Variants in LINGO2 observed in about 807,000 individuals in gnomAD.
LINGO2 encodes the protein leucine rich repeat and Ig domain containing 2.
Under a neutral mutation model 30.6 loss-of-function variants are expected in LINGO2, and 14 were observed. That is an observed-to-expected ratio of 0.46 (90% CI 0.30 to 0.72). The LOEUF is 0.72. LINGO2 is among the 30% of genes least tolerant of loss of function. LINGO2 has a pLI of 0.07. For synonymous variants in LINGO2, 317 were observed against 288.5 expected (o/e 1.10, Z -1.00); for missense variants, 729 against 751.7 (o/e 0.97, Z 0.35).
the LINGO2 span, among the ~76,000 whole-genome samples, chr9:28,817,931 TAAC>T: frequency 6.6e-6 from 1 of 152,200 alleles, no homozygotes; most frequent in South Asian, 2.1e-4. Flanking sequence ...ATTTCTCTTT[TAAC>T]AGGTTTCACT....
chr9:28,438,670 G>A (rs1587675484), intron 2 of LINGO2, among the ~76,000 whole-genome samples: 1 of 152,060 alleles, frequency 6.6e-6, no homozygotes, highest in African/African-American at 2.4e-5. Flanking sequence ...CCTGACTAAT[G>A]CATCAGCTAT....
At chr9:28,995,249 G>C in the LINGO2 span, among the ~76,000 whole-genome samples, 2 of 152,176 alleles carry the variant, frequency 1.3e-5, no homozygotes, top group Non-Finnish European at 2.9e-5. Context: ...CATTTATGCT[G>C]CCAAAAAACA....
chr9:28,589,508 C>T (rs1025048450), intron 1 of LINGO2, among the ~76,000 whole-genome samples: 1 of 152,034 alleles, frequency 6.6e-6, no homozygotes, highest in African/African-American at 2.4e-5. Flanking sequence ...ACACCAATAA[C>T]AGACAAACAG....
At chr9:28,169,772 A>C (rs1828530565) in intron 4 of LINGO2, among the ~76,000 whole-genome samples, 1 of 152,192 alleles carries the variant, frequency 6.6e-6, no homozygotes, top group African/African-American at 2.4e-5. Context: ...TGGGGTAAAG[A>C]ATATGCTGTT....
intron 2 of LINGO2, among the ~76,000 whole-genome samples, chr9:28,435,211 A>C (rs1823875106): frequency 6.6e-6 from 1 of 152,206 alleles, no homozygotes; most frequent in African/African-American, 2.4e-5. Flanking sequence ...AAGGCTATAC[A>C]TTAAACAAAA....
chr9:29,112,405 T>C, the LINGO2 span, among the ~76,000 whole-genome samples: 1 of 152,206 alleles, frequency 6.6e-6, no homozygotes, highest in East Asian at 1.9e-4. Context: ...GTGATTCCAA[T>C]GCATAGAGTC....
chr9:28,354,847 C>T (rs958685736), intron 3 of LINGO2, among the ~76,000 whole-genome samples: 1 of 152,086 alleles, frequency 6.6e-6, no homozygotes, highest in Non-Finnish European at 1.5e-5. Flanking sequence ...ATGTTGTTGT[C>T]AGCAGCTAAG....
chr9:28,508,082 T>A (rs1820225788), intron 1 of LINGO2, among the ~76,000 whole-genome samples: 1 of 152,088 alleles, frequency 6.6e-6, no homozygotes, highest in Non-Finnish European at 1.5e-5. Context: ...TGTAAATGAT[T>A]TGAAATTTAT....
At chr9:28,723,416 G>A in the LINGO2 span, among the ~76,000 whole-genome samples, 1 of 152,044 alleles carries the variant, frequency 6.6e-6, no homozygotes, top group African/African-American at 2.4e-5. Context: ...CAGCTTTGTT[G>A]TACAATGTGG....
the LINGO2 span, among the ~76,000 whole-genome samples, chr9:28,781,038 G>A: frequency 6.6e-6 from 1 of 152,068 alleles, no homozygotes; most frequent in African/African-American, 2.4e-5. Context: ...TTTATATACA[G>A]AGTCATAATG....
the LINGO2 span, among the ~76,000 whole-genome samples, chr9:28,914,009 T>C: frequency 1.3e-5 from 2 of 152,148 alleles, no homozygotes; most frequent in South Asian, 2.1e-4. Context: ...TGTTTTCTCA[T>C]AGAAAAAATT....
At chr9:28,360,551 C>A (rs1207185441) in intron 3 of LINGO2, among the ~76,000 whole-genome samples, 1 of 152,038 alleles carries the variant, frequency 6.6e-6, no homozygotes, top group African/African-American at 2.4e-5. Context: ...TCTTAAAAGC[C>A]CAGTGCCCTC....
chr9:28,798,924 TAA>T, the LINGO2 span, among the ~76,000 whole-genome samples: 2 of 152,032 alleles, frequency 1.3e-5, no homozygotes, highest in Non-Finnish European at 2.9e-5. Flanking sequence ...TGTAAATAGT[TAA>T]ATAGAGATCA....
chr9:27,974,350 C>A (rs902795617), intron 5 of LINGO2, among the ~76,000 whole-genome samples: 1 of 152,100 alleles, frequency 6.6e-6, no homozygotes, highest in East Asian at 1.9e-4. Flanking sequence ...GTCTTATCAG[C>A]GGTCATAACA....
intron 1 of LINGO2, among the ~76,000 whole-genome samples, chr9:28,625,446 A>G (rs1422580709): frequency 6.6e-6 from 1 of 152,074 alleles, no homozygotes; most frequent in Non-Finnish European, 1.5e-5. Flanking sequence ...ACCAGTTACT[A>G]TGATTGCTCA....
At chr9:28,851,262 A>C in the LINGO2 span, among the ~76,000 whole-genome samples, 1 of 152,014 alleles carries the variant, frequency 6.6e-6, no homozygotes, top group Non-Finnish European at 1.5e-5. Flanking sequence ...AAAGAAGATG[A>C]CCCATTTGCT....
intron 4 of LINGO2, among the ~76,000 whole-genome samples, chr9:28,203,919 CA>C (rs1431130832): frequency 2.0e-5 from 3 of 152,108 alleles, no homozygotes; most frequent in African/African-American, 7.2e-5. Context: ...TAAGAAAATA[CA>C]GCAAAAATTT....
chr9:28,358,908 G>T (rs1235980964), intron 3 of LINGO2, among the ~76,000 whole-genome samples: 1 of 152,120 alleles, frequency 6.6e-6, no homozygotes, highest in Non-Finnish European at 1.5e-5. Context: ...TGTAAAGGTT[G>T]AATCCAACTG....
chr9:28,355,730 G>A (rs1474209481), intron 3 of LINGO2, among the ~76,000 whole-genome samples: 1 of 152,112 alleles, frequency 6.6e-6, no homozygotes, highest in Non-Finnish European at 1.5e-5. Context: ...GGCTAAGAGA[G>A]ATTGCTTTTG....
Sources: allele counts gnomAD v4.1 joint callset (sites outside exome capture counted in the v4.1 genomes callset), GRCh38; gene constraint gnomAD v4.1.1; transcripts MANE v1.5; gene names NCBI Gene and HGNC (gene_info 2026-07-23, HGNC 2026-07-21).